The following NELL1 variants were observed in gnomAD, a reference collection of about 807,000 sequenced individuals.
NELL1 encodes the protein neural EGFL like 1, also known as protein kinase C-binding protein NELL1.
Under a neutral mutation model 107.4 loss-of-function variants are expected in NELL1, and 76 were observed. That is an observed-to-expected ratio of 0.71 (90% CI 0.59 to 0.86). The LOEUF is 0.86. NELL1 is among the 40% of genes least tolerant of loss of function. The pLI, the probability that NELL1 is intolerant of heterozygous loss-of-function variation, is 0.00. For missense variants in NELL1, 1,024 were observed against 1,005.5 expected (o/e 1.02, Z -0.25); for synonymous variants, 353 against 341.2 (o/e 1.03, Z -0.38).
intron 2 of NELL1, among the ~76,000 whole-genome samples, chr11:20,725,466 G>C (rs1661495369): frequency 6.6e-6 from 1 of 152,180 alleles, no homozygotes; most frequent in Admixed American, 6.5e-5. Context: ...GTGGTGATGT[G>C]GCGGCAGCAA....
intron 2 of NELL1, among the ~76,000 whole-genome samples, chr11:20,741,845 C>T (rs765332078): frequency 6.6e-6 from 1 of 152,136 alleles, no homozygotes; most frequent in Non-Finnish European, 1.5e-5. Context: ...AGTTAGCCAC[C>T]CCTTCCTGCA....
intron 3 of NELL1, among the ~76,000 whole-genome samples, chr11:20,822,337 T>C (rs530241494): frequency 3.9e-5 from 6 of 152,332 alleles, no homozygotes; most frequent in African/African-American, 1.4e-4. Flanking sequence ...ATAGATGGTA[T>C]AGCAGATGGA....
chr11:20,759,258 C>G (rs1218777715), intron 2 of NELL1, among the ~76,000 whole-genome samples: 1 of 152,190 alleles, frequency 6.6e-6, no homozygotes, highest in Non-Finnish European at 1.5e-5. Flanking sequence ...GTATTTGCTT[C>G]TTGTAATTAA....
chr11:21,522,092 A>G (rs1362377414), intron 15 of NELL1, among the ~76,000 whole-genome samples: 1 of 152,032 alleles, frequency 6.6e-6, no homozygotes, highest in Non-Finnish European at 1.5e-5. Context: ...AAGCCATTAT[A>G]TCAAAAAGAT....
At position 21,046,904 on chromosome 11, in the gene NELL1, A is replaced by G. The variant is rs1853370137; in HGVS notation, c.1301-66685A>G. On this transcript the variant is annotated intron_variant, in intron 12 of 19. Transcript: ENST00000357134. ...TAAACTTTTTTTTTTTTTTGTAGAG[A>G]TGGGGTTTCCTTCTGTTGCCCAGGC... Among the ~76,000 whole-genome samples the G allele has an allele frequency of 2.0e-5, 3 of 146,782 alleles. No homozygotes were observed. The South Asian group carries it at 6.5e-4, about 32-fold the overall frequency.
chr11:20,822,415 T>A (rs1378266207), intron 3 of NELL1, among the ~76,000 whole-genome samples: 1 of 152,200 alleles, frequency 6.6e-6, no homozygotes, highest in South Asian at 2.1e-4. Flanking sequence ...ATAGCATAAA[T>A]GCCTAGTATA....
chr11:21,550,000 A>G (rs1423340980), intron 16 of NELL1, among the ~76,000 whole-genome samples: 1 of 151,794 alleles, frequency 6.6e-6, no homozygotes, highest in Non-Finnish European at 1.5e-5. Context: ...GGTTTTTCCC[A>G]TGAAGCCCAT....
chr11:21,307,177 G>A (rs936005), intron 14 of NELL1, among the ~76,000 whole-genome samples: 78,340 of 151,742 alleles, frequency 0.52, 20,794 homozygotes, highest in Non-Finnish European at 0.56. Flanking sequence ...CCTCTTGCAG[G>A]TGTCATGGCT....
At chr11:21,534,945 C>T (rs1326467951) in intron 16 of NELL1, among the ~76,000 whole-genome samples, 7 of 152,078 alleles carry the variant, frequency 4.6e-5, no homozygotes, top group African/African-American at 1.7e-4. Context: ...TCACTATAGT[C>T]TCTAATCCTT....
chr11:21,117,440 A>T (rs988491111), intron 13 of NELL1, among the ~76,000 whole-genome samples: 4 of 152,032 alleles, frequency 2.6e-5, no homozygotes, highest in African/African-American at 9.7e-5. Context: ...TGTTGAATGA[A>T]ATAATGCATA....
chr11:20,906,973 G>A (rs1168835297), intron 5 of NELL1, among the ~76,000 whole-genome samples: 1 of 152,022 alleles, frequency 6.6e-6, no homozygotes, highest in Admixed American at 6.6e-5. Context: ...CACTGTACTG[G>A]AATTTCTAGC....
chr11:21,337,828 C>CT (rs1453522886), intron 14 of NELL1, among the ~76,000 whole-genome samples: 19 of 40,234 alleles, frequency 4.7e-4, no homozygotes, highest in South Asian at 2.6e-3. Flanking sequence ...TTCTTTCTTT[C>CT]TTTCTTTCTT....
intron 13 of NELL1, among the ~76,000 whole-genome samples, chr11:21,204,741 C>T (rs1399869213): frequency 6.6e-6 from 1 of 152,032 alleles, no homozygotes; most frequent in African/African-American, 2.4e-5. Flanking sequence ...TCTCCCCCAT[C>T]TTTGTGTATT....
At chr11:21,055,910 G>A (rs1264080437) in intron 12 of NELL1, among the ~76,000 whole-genome samples, 1 of 152,120 alleles carries the variant, frequency 6.6e-6, no homozygotes, top group Non-Finnish European at 1.5e-5. Context: ...TGGGAAAGGA[G>A]GGCTAAACAG....
At chr11:20,676,786 C>G (rs1472010618) in intron 1 of NELL1, among the ~76,000 whole-genome samples, 1 of 152,136 alleles carries the variant, frequency 6.6e-6, no homozygotes, top group African/African-American at 2.4e-5. Context: ...ACAAGCCCTC[C>G]AAATCTTGTC....
intron 15 of NELL1, among the ~76,000 whole-genome samples, chr11:21,399,822 A>G (rs1435872695): frequency 1.3e-5 from 2 of 151,794 alleles, no homozygotes; most frequent in African/African-American, 4.8e-5. Context: ...ATGGAAAATA[A>G]CGGCGATGCT....
At chr11:20,839,268 T>C (rs1431013900) in intron 3 of NELL1, among the ~76,000 whole-genome samples, 1 of 152,216 alleles carries the variant, frequency 6.6e-6, no homozygotes. Context: ...ACATTTCATT[T>C]AACAGTGAGT....
rs1191213649 is a variant in NELL1 at position 21,575,181 on chromosome 11, T to G, written c.*159T>G. The G allele has an allele frequency of 1.8e-5, 12 of 656,336 alleles. No homozygotes were observed. Among genetic ancestry groups the G allele is most frequent in the African/African-American group, 1.6e-4 (9 of 55,216 alleles). The allele number at this position is 656,336 out of a possible 1,614,324, so 40.7% of individuals were successfully genotyped here. On this transcript the variant is annotated 3_prime_UTR_variant, in exon 20 of 20. Transcript: ENST00000357134. Reference sequence around the variant, plus strand: ...TGAGGACGGTGTTTGGAGGTTGCCTTTTGGACCTACCACTTTGCTCATTCT... The same window carrying G: ...TGAGGACGGTGTTTGGAGGTTGCCTGTTGGACCTACCACTTTGCTCATTCT...
intron 16 of NELL1, among the ~76,000 whole-genome samples, chr11:21,537,748 T>C (rs1025599542): frequency 3.3e-5 from 5 of 152,158 alleles, no homozygotes; most frequent in African/African-American, 1.2e-4. Context: ...GTCAAATGAT[T>C]GAAGGCATGG....
Sources: gnomAD v4.1 joint callset for allele counts (sites outside exome capture counted in the v4.1 genomes callset) on GRCh38, gnomAD v4.1.1 for gene constraint, MANE v1.5 for transcripts, NCBI Gene and HGNC (gene_info 2026-07-23, HGNC 2026-07-21) for gene names.